The following POFUT3 variants were observed in gnomAD, a reference collection of about 807,000 sequenced individuals.
The protein encoded by POFUT3 is protein O-fucosyltransferase 3.
At chr8:33,380,848 A>AAAT in the POFUT3 span, among the ~76,000 whole-genome samples, 2 of 151,078 alleles carry the variant, frequency 1.3e-5, no homozygotes, top group African/African-American at 4.9e-5. Context: ...AAAAAAAAAA[A>AAAT]AAATGCCAGG....
the POFUT3 span, among the ~76,000 whole-genome samples, chr8:33,342,687 A>G: frequency 1.3e-5 from 2 of 152,188 alleles, no homozygotes; most frequent in African/African-American, 4.8e-5. Context: ...AAGCAGAAAA[A>G]CTGGATCACT....
the POFUT3 span, among the ~76,000 whole-genome samples, chr8:33,410,308 C>T: frequency 1.3e-5 from 2 of 152,274 alleles, no homozygotes; most frequent in African/African-American, 4.8e-5. Flanking sequence ...AGAGTGTTAG[C>T]TTGCCCTGAT....
chr8:33,389,039 T>C, the POFUT3 span: 1 of 1,614,220 alleles, frequency 6.2e-7, no homozygotes, highest in South Asian at 1.1e-5. Flanking sequence ...ATTGTCCTGG[T>C]TGACGTCTTG....
chr8:33,448,980 T>G, the POFUT3 span, among the ~76,000 whole-genome samples: 3 of 152,124 alleles, frequency 2.0e-5, no homozygotes, highest in African/African-American at 7.2e-5. Context: ...GAGCACCTAC[T>G]GTGTACAAAG....
the POFUT3 span, among the ~76,000 whole-genome samples, chr8:33,394,998 A>G: frequency 6.6e-6 from 1 of 152,160 alleles, no homozygotes; most frequent in East Asian, 1.9e-4. Context: ...CCAACCTTCT[A>G]TGCTATGCTC....
chr8:33,386,765 A>C, the POFUT3 span, among the ~76,000 whole-genome samples: 204 of 152,272 alleles, frequency 1.3e-3, no homozygotes, highest in African/African-American at 4.8e-3. Flanking sequence ...AGCCGAGATC[A>C]CGCCACCGCA....
chr8:33,453,029 G>A, the POFUT3 span: 11 of 577,310 alleles, frequency 1.9e-5, no homozygotes, highest in South Asian at 1.5e-4. Context: ...CACCACGCCC[G>A]GCCAGGCTTG....
At chr8:33,360,957 G>A in the POFUT3 span, 2 of 152,206 alleles carry the variant, frequency 1.3e-5, no homozygotes, top group African/African-American at 2.4e-5. Context: ...GAAACAGGAA[G>A]TAGTAAACAT....
the POFUT3 span, among the ~76,000 whole-genome samples, chr8:33,410,934 C>T: frequency 1.5e-3 from 225 of 152,258 alleles, 1 homozygote; most frequent in African/African-American, 5.2e-3. Context: ...CTGCCTGTTC[C>T]TGATCACCAC....
chr8:33,399,988 A>G, the POFUT3 span, among the ~76,000 whole-genome samples: 2 of 152,132 alleles, frequency 1.3e-5, no homozygotes, highest in African/African-American at 2.4e-5. Flanking sequence ...CCCATTTGCT[A>G]TTGAAATGTG....
At chr8:33,315,923 TGTTATA>T in the POFUT3 span, among the ~76,000 whole-genome samples, 2 of 152,184 alleles carry the variant, frequency 1.3e-5, no homozygotes, top group South Asian at 2.1e-4. Flanking sequence ...TCCATGTTTA[TGTTATA>T]GTTAGAGATG....
chr8:33,446,697 A>C, the POFUT3 span, among the ~76,000 whole-genome samples: 2 of 152,182 alleles, frequency 1.3e-5, no homozygotes, highest in Admixed American at 6.5e-5. Flanking sequence ...AGGTACCCTG[A>C]GCAATAAACA....
At chr8:33,471,237 TTTGTTGTTG>T in the POFUT3 span, among the ~76,000 whole-genome samples, 4 of 151,832 alleles carry the variant, frequency 2.6e-5, no homozygotes, top group Non-Finnish European at 5.9e-5. Context: ...GTTTTTGTTT[TTTGTTGTTG>T]TTGTTGTTGT....
At chr8:33,366,010 T>C in the POFUT3 span, among the ~76,000 whole-genome samples, 1 of 152,190 alleles carries the variant, frequency 6.6e-6, no homozygotes, top group Non-Finnish European at 1.5e-5. Context: ...CCAACCCAAA[T>C]GTCCATCAAT....
At chr8:33,398,309 C>A in the POFUT3 span, among the ~76,000 whole-genome samples, 5 of 152,212 alleles carry the variant, frequency 3.3e-5, 1 homozygote, top group South Asian at 1.0e-3. Flanking sequence ...CGTTCAGATT[C>A]AAAAATTATT....
chr8:33,335,393 T>G, the POFUT3 span, among the ~76,000 whole-genome samples: 53 of 152,342 alleles, frequency 3.5e-4, no homozygotes, highest in Middle Eastern at 0.014. Flanking sequence ...GCATGGAATT[T>G]GGCAATGAAG....
chr8:33,345,398 C>CTT, the POFUT3 span, among the ~76,000 whole-genome samples: 50 of 122,456 alleles, frequency 4.1e-4, no homozygotes, highest in Non-Finnish European at 5.8e-4. Flanking sequence ...GTATATTTTA[C>CTT]TTTTTTTTTT....
At chr8:33,309,163 A>ATGT in the POFUT3 span, among the ~76,000 whole-genome samples, 1 of 69,696 alleles carries the variant, frequency 1.4e-5, no homozygotes, top group African/African-American at 1.0e-4. Flanking sequence ...AAAAAAAAAA[A>ATGT]AAAAATATAT....
chr8:33,466,505 C>G, the POFUT3 span, among the ~76,000 whole-genome samples: 5 of 151,312 alleles, frequency 3.3e-5, no homozygotes, highest in Non-Finnish European at 7.4e-5. Context: ...AAAAGAAGGG[C>G]AGGGCAGGGA....
Sources: gnomAD v4.1 joint callset for allele counts (sites outside exome capture counted in the v4.1 genomes callset) on GRCh38, gnomAD v4.1.1 for gene constraint, MANE v1.5 for transcripts, NCBI Gene and HGNC (gene_info 2026-07-23, HGNC 2026-07-21) for gene names.